The following THSD4 variants were observed in gnomAD, a reference collection of about 807,000 sequenced individuals.
The protein encoded by THSD4 is thrombospondin type 1 domain containing 4.
A neutral mutation model predicts 119.0 loss-of-function variants in THSD4; 69 were observed. The ratio of observed to expected loss-of-function variants is 0.58; its 90% CI spans 0.48 to 0.71. THSD4 has a LOEUF of 0.71. THSD4 is among the 30% of genes least tolerant of loss of function. The pLI is 0.00. For missense variants in THSD4, 1,393 were observed against 1,391.1 expected, an observed-to-expected ratio of 1.00 and a Z score of -0.02; for synonymous variants, 524 against 540.4, an observed-to-expected ratio of 0.97 and a Z score of 0.42.
chr15:71,453,821 C>T (rs2047299849), intron 7 of THSD4, among the ~76,000 whole-genome samples: 1 of 152,208 alleles, frequency 6.6e-6, no homozygotes, highest in African/African-American at 2.4e-5. Flanking sequence ...TCATAACCGC[C>T]TGCTGGCAGC....
At chr15:71,229,446 T>G (rs976105660) in intron 4 of THSD4, among the ~76,000 whole-genome samples, 47 of 152,226 alleles carry the variant, frequency 3.1e-4, no homozygotes, top group Non-Finnish European at 7.3e-5. Context: ...GTGTAGTATT[T>G]GTGTATAACA....
intron 7 of THSD4, among the ~76,000 whole-genome samples, chr15:71,445,652 C>T (rs2047170967): frequency 6.6e-6 from 1 of 152,198 alleles, no homozygotes; most frequent in Non-Finnish European, 1.5e-5. Flanking sequence ...TCAGATGATC[C>T]TTCCCATCAT....
intron 16 of THSD4, among the ~76,000 whole-genome samples, chr15:71,769,928 TAAAAAAAA>T (rs1181348692): frequency 2.3e-5 from 1 of 44,300 alleles, no homozygotes; most frequent in Non-Finnish European, 4.0e-5. Context: ...AAAATAAATT[TAAAAAAAA>T]AAAAAAAAAA....
At chr15:71,545,294 A>G (rs1461995590) in intron 7 of THSD4, among the ~76,000 whole-genome samples, 1 of 152,208 alleles carries the variant, frequency 6.6e-6, no homozygotes, top group East Asian at 1.9e-4. Context: ...CCCTTGCAGT[A>G]GAGCAGACAG....
chr15:71,511,373 G>A (rs1416517123), intron 7 of THSD4, among the ~76,000 whole-genome samples: 1 of 152,146 alleles, frequency 6.6e-6, no homozygotes, highest in African/African-American at 2.4e-5. Flanking sequence ...AGCTGAAGTG[G>A]GGAATAAAGG....
intron 3 of THSD4, chr15:71,164,820 C>T: frequency 6.3e-7 from 1 of 1,593,798 alleles, no homozygotes; most frequent in East Asian, 2.2e-5. Flanking sequence ...TCATCTTCCT[C>T]CTCCTCCTCA....
rs1018804755 is a variant in THSD4, at chr15:71,589,484, T to C, written c.1153-71046T>C. On this transcript the variant is annotated intron_variant, in intron 7 of 17. Coordinates refer to ENST00000261862, the MANE Select transcript of THSD4 (RefSeq NM_024817.3). ...GATCCTCCCACTTCAGCCTTCCAAG[T>C]AGCTGGAAACACAGTCATGCATCAC... 1.8e-4 allele frequency among the ~76,000 whole-genome samples: 25 copies of C among 138,558 alleles called. 1 individual carries two copies. Among genetic ancestry groups the C allele is most frequent in the African/African-American group, 6.1e-4 (24 of 39,628 alleles). The allele number at this position is 138,558 out of a possible 152,430, so 90.9% of individuals were successfully genotyped here.
At chr15:71,630,164 A>G (rs916972812) in intron 7 of THSD4, among the ~76,000 whole-genome samples, 6 of 152,244 alleles carry the variant, frequency 3.9e-5, no homozygotes, top group African/African-American at 1.4e-4. Flanking sequence ...CAAACAGACA[A>G]AAAACAGAAA....
At chr15:71,300,584 A>G (rs952961191) in intron 6 of THSD4, among the ~76,000 whole-genome samples, 1 of 152,216 alleles carries the variant, frequency 6.6e-6, no homozygotes, top group Admixed American at 6.5e-5. Flanking sequence ...TATTCTAGGC[A>G]GGGTTCAGCT....
chr15:71,439,507 T>C (rs1003702329), intron 7 of THSD4, among the ~76,000 whole-genome samples: 1 of 152,174 alleles, frequency 6.6e-6, no homozygotes, highest in African/African-American at 2.4e-5. Flanking sequence ...CCAGCCATCC[T>C]ATTACTGAGT....
rs2046786174 is a variant in THSD4, at chr15:71,419,264, A to G, written c.1152+7441A>G. On this transcript the variant is annotated intron_variant, in intron 7 of 17. Transcript: ENST00000261862. ...GTTGCTGAGGCTAGAGTACAGGGGC[A>G]TGATCACAGCTCACTGCAGCCTTGA... 1.9e-5 allele frequency among the ~76,000 whole-genome samples: 2 copies of G among 104,892 alleles called. 1 individual carries two copies. Among genetic ancestry groups the G allele is most frequent in the South Asian group, 6.0e-4 (2 of 3,320 alleles). The allele number at this position is 104,892 out of a possible 152,430, so 68.8% of individuals were successfully genotyped here. A position where few individuals can be genotyped will look rare whatever the true frequency, so the allele number is the denominator to read the frequency against.
chr15:71,183,747 C>T (rs2043563992), intron 3 of THSD4, among the ~76,000 whole-genome samples: 1 of 151,840 alleles, frequency 6.6e-6, no homozygotes, highest in South Asian at 2.1e-4. Context: ...CCTGATTTAT[C>T]CACATCAGAG....
intron 1 of THSD4, among the ~76,000 whole-genome samples, chr15:71,103,810 A>G (rs1285007382): frequency 1.3e-5 from 2 of 149,850 alleles, no homozygotes; most frequent in Non-Finnish European, 3.0e-5. Flanking sequence ...CCTGCACCCC[A>G]CTCTCTCTCT....
At chr15:71,688,969 C>T (rs1161274802) in intron 8 of THSD4, among the ~76,000 whole-genome samples, 1 of 152,166 alleles carries the variant, frequency 6.6e-6, no homozygotes, top group African/African-American at 2.4e-5. Flanking sequence ...GCCTCCTCTC[C>T]ATCCCGGCCC....
At chr15:71,595,172 T>C (rs1363279464) in intron 7 of THSD4, among the ~76,000 whole-genome samples, 1 of 152,202 alleles carries the variant, frequency 6.6e-6, no homozygotes, top group African/African-American at 2.4e-5. Context: ...AATGGGTGAT[T>C]GCTGGAAAGG....
chr15:71,538,078 G>T (rs1010482442), intron 7 of THSD4, among the ~76,000 whole-genome samples: 27 of 151,834 alleles, frequency 1.8e-4, no homozygotes, highest in African/African-American at 6.3e-4. Flanking sequence ...TTTTAATTCT[G>T]TTTATGATAT....
intron 6 of THSD4, among the ~76,000 whole-genome samples, chr15:71,299,082 A>G (rs2044907834): frequency 6.6e-6 from 1 of 152,190 alleles, no homozygotes; most frequent in South Asian, 2.1e-4. Flanking sequence ...CAGGAGGAAC[A>G]ATAACCACAT....
intron 7 of THSD4, among the ~76,000 whole-genome samples, chr15:71,578,844 C>CTT (rs373480493): frequency 0.11 from 13,937 of 132,218 alleles, 1,196 homozygotes; most frequent in South Asian, 0.21. Context: ...ACTGCATTAA[C>CTT]TTTTTTTTTT....
chr15:71,217,138 G>T (rs2043939707), intron 4 of THSD4, among the ~76,000 whole-genome samples: 1 of 152,136 alleles, frequency 6.6e-6, no homozygotes, highest in Non-Finnish European at 1.5e-5. Context: ...ATATGTTTTG[G>T]AATTCAGAAC....
Sources: allele counts gnomAD v4.1 joint callset (sites outside exome capture counted in the v4.1 genomes callset), GRCh38; gene constraint gnomAD v4.1.1; transcripts MANE v1.5; gene names NCBI Gene and HGNC (gene_info 2026-07-23, HGNC 2026-07-21).